Variants in ASIC2 observed in about 807,000 individuals in gnomAD.
ASIC2 encodes acid sensing ion channel subunit 2.
A neutral mutation model predicts 57.3 loss-of-function variants in ASIC2; 25 were observed. The ratio of observed to expected loss-of-function variants is 0.44; its 90% CI spans 0.32 to 0.61. The LOEUF is 0.61. Ranked by LOEUF, ASIC2 falls within the 20% of genes least tolerant of loss-of-function variation. ASIC2 has a pLI of 0.06. For synonymous variants in ASIC2, 319 were observed against 307.5 expected (o/e 1.04, Z -0.39); for missense variants, 641 against 738.1 (o/e 0.87, Z 1.52).
intron 1 of ASIC2, among the ~76,000 whole-genome samples, chr17:33,632,926 G>T (rs943132960): frequency 3.9e-5 from 6 of 152,170 alleles, no homozygotes; most frequent in African/African-American, 1.4e-4. Context: ...TATAGTTGGG[G>T]TTCCAGGAGG....
intron 1 of ASIC2, among the ~76,000 whole-genome samples, chr17:33,776,626 G>C (rs553591794): frequency 1.3e-5 from 2 of 152,088 alleles, no homozygotes; most frequent in African/African-American, 4.8e-5. Flanking sequence ...TCTGTGAATC[G>C]AGGCCAAAGG....
At chr17:33,501,326 C>T (rs1914095033) in intron 1 of ASIC2, among the ~76,000 whole-genome samples, 2 of 152,222 alleles carry the variant, frequency 1.3e-5, no homozygotes, top group Non-Finnish European at 2.9e-5. Flanking sequence ...ATCTCTGCTG[C>T]CTGTGCGTTG....
intron 1 of ASIC2, among the ~76,000 whole-genome samples, chr17:33,377,637 C>T (rs1269129077): frequency 1.3e-5 from 2 of 152,252 alleles, no homozygotes; most frequent in Non-Finnish European, 2.9e-5. Context: ...TTTTCTCCTC[C>T]TGGTCCCTAG....
At chr17:33,224,608 G>T (rs1907808906) in intron 1 of ASIC2, among the ~76,000 whole-genome samples, 1 of 152,174 alleles carries the variant, frequency 6.6e-6, no homozygotes, top group Non-Finnish European at 1.5e-5. Flanking sequence ...AGGGAGGAGG[G>T]GAGGAAAGTG....
chr17:33,840,453 G>A (rs1223221576), intron 1 of ASIC2, among the ~76,000 whole-genome samples: 3 of 152,190 alleles, frequency 2.0e-5, no homozygotes, highest in Non-Finnish European at 2.9e-5. Context: ...GTACAGCACC[G>A]TATACTCTGG....
At chr17:33,802,841 C>T (rs538878945) in intron 1 of ASIC2, among the ~76,000 whole-genome samples, 2 of 152,322 alleles carry the variant, frequency 1.3e-5, no homozygotes, top group South Asian at 4.1e-4. Context: ...TGTGCTCTTT[C>T]GTGGGGTTGA....
At chr17:33,744,572 G>A (rs574040764) in intron 1 of ASIC2, among the ~76,000 whole-genome samples, 3 of 152,164 alleles carry the variant, frequency 2.0e-5, no homozygotes, top group Non-Finnish European at 4.4e-5. Context: ...ACAAGAGCTG[G>A]AGTTGTGGGA....
intron 1 of ASIC2, among the ~76,000 whole-genome samples, chr17:33,444,100 A>C (rs2141985828): frequency 6.6e-6 from 1 of 152,226 alleles, no homozygotes; most frequent in South Asian, 2.1e-4. Flanking sequence ...AACTATTCTC[A>C]ATTTGTTGTT....
At chr17:34,031,754 G>A (rs964245950) in intron 1 of ASIC2, among the ~76,000 whole-genome samples, 1 of 152,190 alleles carries the variant, frequency 6.6e-6, no homozygotes, top group African/African-American at 2.4e-5. Context: ...CTGGAAGAAA[G>A]GGTATCAGTG....
intron 1 of ASIC2, among the ~76,000 whole-genome samples, chr17:33,391,088 G>A (rs917107353): frequency 6.6e-6 from 1 of 152,152 alleles, no homozygotes; most frequent in Non-Finnish European, 1.5e-5. Context: ...TCCTAACAAT[G>A]TCCCAGATTC....
chr17:33,188,310 T>C (rs902445404), intron 1 of ASIC2, among the ~76,000 whole-genome samples: 1 of 152,016 alleles, frequency 6.6e-6, no homozygotes, highest in African/African-American at 2.4e-5. Context: ...AATAATGGAG[T>C]ATCTGTGAGC....
At chr17:33,834,455 A>G (rs778309918) in intron 1 of ASIC2, 1 of 152,218 alleles carries the variant, frequency 6.6e-6, no homozygotes, top group African/African-American at 2.4e-5. Flanking sequence ...GGTTTCTGTA[A>G]TAGATAGTTT....
At chr17:33,582,272 T>C (rs1312513220) in intron 1 of ASIC2, among the ~76,000 whole-genome samples, 1 of 152,210 alleles carries the variant, frequency 6.6e-6, no homozygotes, top group Admixed American at 6.5e-5. Context: ...TTGGAGGCCT[T>C]ACAGCCTGAT....
At position 34,140,842 on chromosome 17, in the gene ASIC2, T is replaced by C. The variant is rs146850981; in HGVS notation, c.555+15136A>G. Among the ~76,000 whole-genome samples the C allele has an allele frequency of 2.6e-3, 396 of 152,236 alleles. 4 individuals carry two copies. Among genetic ancestry groups the C allele is most frequent in the African/African-American group, 9.1e-3 (380 of 41,538 alleles). On this transcript the variant is annotated intron_variant, in intron 1 of 9. Transcript: ENST00000359872. ...AAAGGATGATGGAATTCAAAAACCA[T>C]CATTTGGCAAGGTTCATTGTAATAA...
chr17:33,903,555 A>G (rs1280360369), intron 1 of ASIC2, among the ~76,000 whole-genome samples: 1 of 152,214 alleles, frequency 6.6e-6, no homozygotes, highest in African/African-American at 2.4e-5. Context: ...CAAATTTCAA[A>G]TTTATTTAGC....
At chr17:33,546,226 C>G (rs1290455772) in intron 1 of ASIC2, among the ~76,000 whole-genome samples, 1 of 151,182 alleles carries the variant, frequency 6.6e-6, no homozygotes, top group Non-Finnish European at 1.5e-5. Flanking sequence ...CACATATGCA[C>G]AAATAGACAC....
intron 1 of ASIC2, among the ~76,000 whole-genome samples, chr17:33,112,495 G>C (rs1299724535): frequency 3.9e-5 from 6 of 152,104 alleles, no homozygotes; most frequent in Non-Finnish European, 1.5e-5. Flanking sequence ...CAGACCCTGG[G>C]CACTCAGCTT....
At chr17:33,810,014 G>T (rs1481624349) in intron 1 of ASIC2, among the ~76,000 whole-genome samples, 1 of 152,162 alleles carries the variant, frequency 6.6e-6, no homozygotes, top group African/African-American at 2.4e-5. Context: ...TGAGTAAGAA[G>T]AAACTTTAGA....
At chr17:33,310,150 T>A (rs1906350866) in intron 1 of ASIC2, among the ~76,000 whole-genome samples, 1 of 151,872 alleles carries the variant, frequency 6.6e-6, no homozygotes, top group Admixed American at 6.6e-5. Flanking sequence ...CTATGCTACC[T>A]CTTAATCCCT....
Sources: allele counts gnomAD v4.1 joint callset (sites outside exome capture counted in the v4.1 genomes callset), GRCh38; gene constraint gnomAD v4.1.1; transcripts MANE v1.5; gene names NCBI Gene and HGNC (gene_info 2026-07-23, HGNC 2026-07-21).